The following GABRA3 variants were observed in gnomAD, a reference collection of about 807,000 sequenced individuals.
The protein encoded by GABRA3 is gamma-aminobutyric acid type A receptor subunit alpha3.
Under a neutral mutation model 30.1 loss-of-function variants are expected in GABRA3, and 10 were observed. The ratio of observed to expected loss-of-function variants is 0.33; its 90% CI spans 0.20 to 0.56. The LOEUF is 0.56. GABRA3 is among the 20% of genes least tolerant of loss of function. The pLI is 0.89. For missense variants in GABRA3, 233 were observed against 392.0 expected (o/e 0.59, Z 3.42); for synonymous variants, 151 against 146.8 (o/e 1.03, Z -0.21).
At chrX:152,295,765 C>T (rs917230518) in intron 3 of GABRA3, among the ~76,000 whole-genome samples, 3 of 112,356 alleles carry the variant, frequency 2.7e-5, no homozygotes, top group African/African-American at 9.7e-5. Flanking sequence ...GCGGAAATCA[C>T]CCATCTTCTG....
intron 3 of GABRA3, among the ~76,000 whole-genome samples, chrX:152,295,634 CT>C (rs1195073901): frequency 8.9e-6 from 1 of 112,774 alleles, no homozygotes; most frequent in Non-Finnish European, 1.9e-5. Context: ...GGGGAAATCC[CT>C]TGACCCCTTG....
intron 6 of GABRA3, among the ~76,000 whole-genome samples, chrX:152,218,152 T>G (rs1937763416): frequency 9.1e-6 from 1 of 109,443 alleles, no homozygotes; most frequent in Non-Finnish European, 1.9e-5. Flanking sequence ...TAAGTTTTGG[T>G]GTGTTATGTC....
At chrX:152,386,220 C>A (rs1929305876) in intron 1 of GABRA3, among the ~76,000 whole-genome samples, 1 of 108,697 alleles carries the variant, frequency 9.2e-6, no homozygotes, top group South Asian at 4.1e-4. Context: ...TCTTCCTACC[C>A]ATGAGCATGG....
intron 5 of GABRA3, among the ~76,000 whole-genome samples, chrX:152,241,650 C>G (rs1938375405): frequency 1.8e-5 from 2 of 109,218 alleles, no homozygotes; most frequent in Non-Finnish European, 3.8e-5. Context: ...TGCTAGCAAT[C>G]AGCGAGATTC....
intron 7 of GABRA3, among the ~76,000 whole-genome samples, chrX:152,199,043 G>A (rs1349978005): frequency 1.8e-5 from 2 of 111,666 alleles, no homozygotes; most frequent in African/African-American, 6.5e-5. Flanking sequence ...TGAAAACACA[G>A]ACACACAGGG....
intron 8 of GABRA3, among the ~76,000 whole-genome samples, chrX:152,195,371 A>C (rs1204405882): frequency 8.9e-6 from 1 of 111,998 alleles, no homozygotes; most frequent in African/African-American, 3.2e-5. Flanking sequence ...AATGATATTG[A>C]ATTCATGGGA....
chrX:152,239,349 G>T (rs1318991907), intron 5 of GABRA3, among the ~76,000 whole-genome samples: 2 of 107,172 alleles, frequency 1.9e-5, no homozygotes, highest in African/African-American at 7.0e-5. Flanking sequence ...TTGCACTGTG[G>T]TCTGAGAGAT....
intron 6 of GABRA3, among the ~76,000 whole-genome samples, chrX:152,218,842 T>C (rs1220019353): frequency 9.0e-6 from 1 of 111,203 alleles, no homozygotes; most frequent in African/African-American, 3.3e-5. Context: ...TTCCGGAGTT[T>C]GGAGAAAGTT....
At chrX:152,322,236 C>G (rs1046170833) in intron 3 of GABRA3, among the ~76,000 whole-genome samples, 2 of 112,059 alleles carry the variant, frequency 1.8e-5, no homozygotes, top group African/African-American at 6.5e-5. Flanking sequence ...AAAGCAGACA[C>G]AAAAGGCCAC....
At chrX:152,218,746 A>G (rs1488727940) in intron 6 of GABRA3, among the ~76,000 whole-genome samples, 1 of 111,381 alleles carries the variant, frequency 9.0e-6, no homozygotes, top group African/African-American at 3.3e-5. Flanking sequence ...AAAGAAGAGG[A>G]TGGGAATAGG....
intron 1 of GABRA3, among the ~76,000 whole-genome samples, chrX:152,449,674 C>T (rs191976296): frequency 9.0e-6 from 1 of 111,398 alleles, no homozygotes; most frequent in African/African-American, 3.3e-5. Flanking sequence ...TGCCAAGCCA[C>T]ACTGTACCTA....
At position 152,205,432 on chromosome X, in the gene GABRA3, T is replaced by C. The variant is rs780154514; in HGVS notation, c.778+2569A>G. 2.0e-4 allele frequency among the ~76,000 whole-genome samples: 23 copies of C among 112,203 alleles called. No homozygotes were observed. The East Asian group carries it at 3.7e-3, about 18-fold the overall frequency. On this transcript the variant is annotated intron_variant, in intron 7 of 9. Coordinates refer to ENST00000370314, the MANE Select transcript of GABRA3 (RefSeq NM_000808.4). ...AGGGAAAAGAAGGGTCTTTACAGTG[T>C]TGTTTATAGCATTAAAACACAGAAT... is the stretch of plus-strand genomic sequence containing the variant.
intron 1 of GABRA3, among the ~76,000 whole-genome samples, chrX:152,370,927 G>A (rs1382640539): frequency 1.8e-5 from 2 of 110,391 alleles, no homozygotes; most frequent in East Asian, 2.9e-4. Flanking sequence ...TCATCTTCAC[G>A]TTCTCATTTC....
chrX:152,341,697 C>A (rs1032605819), intron 3 of GABRA3, among the ~76,000 whole-genome samples: 1 of 102,329 alleles, frequency 9.8e-6, no homozygotes, highest in Non-Finnish European at 2.0e-5. Flanking sequence ...ACACCACTAC[C>A]CCCCGCTAAT....
At chrX:152,266,656 C>G (rs1938830101) in intron 4 of GABRA3, among the ~76,000 whole-genome samples, 1 of 111,551 alleles carries the variant, frequency 9.0e-6, no homozygotes, top group African/African-American at 3.3e-5. Context: ...AGGTTTTAAT[C>G]AAAAGTTACT....
At chrX:152,256,134 G>T in intron 4 of GABRA3, 136 bp from the exon 5 acceptor site, 2 of 470,895 alleles carry the variant, frequency 4.2e-6, no homozygotes, top group South Asian at 6.2e-5. Flanking sequence ...GTAGCTCCTG[G>T]TGTGTAAGGA....
In GABRA3 at chrX:152,439,132, T is replaced by C. The variant is rs779780586; in HGVS notation, c.-27+12014A>G. On this transcript the variant is annotated intron_variant, in intron 1 of 9. Coordinates refer to ENST00000370314, the MANE Select transcript of GABRA3 (RefSeq NM_000808.4). The stretch of plus-strand genomic sequence containing the variant: ...CTAAAATAAAGTTTATTATTATTAT[T>C]ATTATTATTTTTTGAGATGAAGTCT... Among the ~76,000 whole-genome samples, 134 of 109,866 alleles carry C rather than the reference T, an allele frequency of 1.2e-3. 2 individuals carry two copies. In the Admixed American group the frequency reaches 0.012, roughly 10 times the overall value.
At chrX:152,242,537 A>T (rs915576266) in intron 5 of GABRA3, among the ~76,000 whole-genome samples, 1 of 112,206 alleles carries the variant, frequency 8.9e-6, no homozygotes, top group Admixed American at 9.5e-5. Context: ...TAATATTCAA[A>T]ATACATAAGG....
At chrX:152,305,144 T>G (rs1021162546) in intron 3 of GABRA3, among the ~76,000 whole-genome samples, 2 of 111,402 alleles carry the variant, frequency 1.8e-5, no homozygotes, top group African/African-American at 6.5e-5. Flanking sequence ...CCATCATAGA[T>G]GAGCACCTAA....
Sources: allele counts gnomAD v4.1 joint callset (sites outside exome capture counted in the v4.1 genomes callset), GRCh38; gene constraint gnomAD v4.1.1; transcripts MANE v1.5; gene names NCBI Gene and HGNC (gene_info 2026-07-23, HGNC 2026-07-21).